Variants in ZCCHC24 observed in about 807,000 individuals in gnomAD.
The protein encoded by ZCCHC24 is zinc finger CCHC domain-containing protein 24.
Under a neutral mutation model 26.2 loss-of-function variants are expected in ZCCHC24, and 10 were observed. The observed-to-expected ratio is 0.38, with a 90% CI of 0.24 to 0.65. The LOEUF (loss-of-function observed/expected upper bound fraction) is 0.65, where lower values mean the gene tolerates loss of function less well. ZCCHC24 is among the 30% of genes least tolerant of loss of function. ZCCHC24 has a pLI of 0.54. For synonymous variants in ZCCHC24, 144 were observed against 147.1 expected (o/e 0.98, Z 0.15); for missense variants, 243 against 329.1 (o/e 0.74, Z 2.03).
chr10:79,393,727 C>G (rs958550793), intron 3 of ZCCHC24, among the ~76,000 whole-genome samples: 2 of 152,204 alleles, frequency 1.3e-5, no homozygotes, highest in African/African-American at 2.4e-5. Context: ...GCCTGAAGCA[C>G]CCCAAGTCCT....
At chr10:79,387,691 G>A (rs1856418698) in intron 3 of ZCCHC24, among the ~76,000 whole-genome samples, 1 of 152,206 alleles carries the variant, frequency 6.6e-6, no homozygotes. Context: ...AGCAGAGGGT[G>A]TGCTCTGTCC....
chr10:79,402,887 C>T lies in ZCCHC24; in HGVS notation c.448-8447G>A, dbSNP rs552694147. 2.6e-4 allele frequency among the ~76,000 whole-genome samples: 40 copies of T among 152,344 alleles called. No individual in the cohort carries two copies. The South Asian group carries it at 5.4e-3, about 21-fold the overall frequency. On this transcript the variant is annotated intron_variant, in intron 2 of 3. Transcript: ENST00000372336. ...GCCTGCTCCTAGGAACACAGCCGCACCTCTTACCTCCGACCCTGGCCACCA... is the reference window on the plus strand; with the variant it reads ...GCCTGCTCCTAGGAACACAGCCGCATCTCTTACCTCCGACCCTGGCCACCA...
chr10:79,386,085 G>T lies in ZCCHC24; in HGVS notation c.*260C>A. 1.7e-6 allele frequency: 1 copy of T among 572,860 alleles called. No homozygotes were observed. Among genetic ancestry groups the T allele is most frequent in the South Asian group, 2.3e-5 (1 of 42,884 alleles). 35.5% of individuals were successfully genotyped at this position (572,860 alleles called of 1,614,324 possible). A position where few individuals can be genotyped will look rare whatever the true frequency, so the allele number is the denominator to read the frequency against. On this transcript the variant is annotated 3_prime_UTR_variant, in exon 4 of 4. Transcript: ENST00000372336. ...TGGACATGGGCTTTTGCTTGCCTTT[G>T]TCCCCTCCACTGAGACCCCAGGCCC...
At chr10:79,442,952 C>T (rs79456937) in intron 1 of ZCCHC24, among the ~76,000 whole-genome samples, 7,258 of 152,236 alleles carry the variant, frequency 0.048, 215 homozygotes, top group Middle Eastern at 0.11. Flanking sequence ...CCCTCCATCA[C>T]CTCCGAGGAA....
At chr10:79,388,010 T>C (rs918585076) in intron 3 of ZCCHC24, among the ~76,000 whole-genome samples, 2 of 152,126 alleles carry the variant, frequency 1.3e-5, no homozygotes, top group Non-Finnish European at 2.9e-5. Context: ...CCTGTCCAGC[T>C]TTCATCCTGG....
chr10:79,441,498 A>G (rs867065297), intron 1 of ZCCHC24, among the ~76,000 whole-genome samples: 15 of 152,068 alleles, frequency 9.9e-5, no homozygotes, highest in African/African-American at 3.6e-4. Flanking sequence ...AGAGCTTCCT[A>G]AAGGTTGGAA....
chr10:79,420,206 C>G (rs1856918671), intron 2 of ZCCHC24, among the ~76,000 whole-genome samples: 2 of 152,162 alleles, frequency 1.3e-5, no homozygotes, highest in Admixed American at 1.3e-4. Context: ...CCTCCTCCCA[C>G]AGCACCCATC....
chr10:79,429,465 C>A (rs1039483492), intron 2 of ZCCHC24, among the ~76,000 whole-genome samples: 1 of 152,274 alleles, frequency 6.6e-6, no homozygotes, highest in African/African-American at 2.4e-5. Context: ...CCTGGATTCC[C>A]AGCTACTCGG....
chr10:79,424,238 T>C (rs1856996525), intron 2 of ZCCHC24, among the ~76,000 whole-genome samples: 2 of 152,182 alleles, frequency 1.3e-5, no homozygotes, highest in African/African-American at 4.8e-5. Flanking sequence ...CAACACAAGC[T>C]CCTAGACAGA....
chr10:79,416,896 G>A (rs1369653560), intron 2 of ZCCHC24, among the ~76,000 whole-genome samples: 2 of 152,172 alleles, frequency 1.3e-5, no homozygotes, highest in African/African-American at 4.8e-5. Context: ...CCGGAACACA[G>A]TGAGCGCTCC....
chr10:79,439,483 C>T (rs1453003871), intron 1 of ZCCHC24, among the ~76,000 whole-genome samples: 1 of 152,182 alleles, frequency 6.6e-6, no homozygotes, highest in Non-Finnish European at 1.5e-5. Flanking sequence ...ATTAACTAAG[C>T]AGCTAGCATG....
At chr10:79,393,356 A>G (rs1022832849) in intron 3 of ZCCHC24, among the ~76,000 whole-genome samples, 1 of 152,214 alleles carries the variant, frequency 6.6e-6, no homozygotes, top group Non-Finnish European at 1.5e-5. Context: ...TGCCCAGTTC[A>G]GGAACGACCT....
chr10:79,413,011 C>A (rs992264920), intron 2 of ZCCHC24, among the ~76,000 whole-genome samples: 1 of 152,210 alleles, frequency 6.6e-6, no homozygotes, highest in African/African-American at 2.4e-5. Context: ...TACCAGCCAA[C>A]CTTCTGAAAG....
At chr10:79,390,472 C>G (rs1022921558) in intron 3 of ZCCHC24, among the ~76,000 whole-genome samples, 1 of 152,038 alleles carries the variant, frequency 6.6e-6, no homozygotes, top group Non-Finnish European at 1.5e-5. Context: ...AGCGAAGTCC[C>G]GGGTGAAATG....
chr10:79,404,118 C>T (rs953513773), intron 2 of ZCCHC24, among the ~76,000 whole-genome samples: 3 of 152,062 alleles, frequency 2.0e-5, no homozygotes, highest in Admixed American at 6.5e-5. Context: ...CAGAGACATT[C>T]GGGGGAACGG....
chr10:79,423,411 C>T (rs1271523706), intron 2 of ZCCHC24, among the ~76,000 whole-genome samples: 1 of 150,604 alleles, frequency 6.6e-6, no homozygotes, highest in African/African-American at 2.4e-5. Flanking sequence ...ATTAGCCAGG[C>T]GTAGTGGCGG....
chr10:79,421,661 T>C (rs1402292666), intron 2 of ZCCHC24, among the ~76,000 whole-genome samples: 1 of 152,110 alleles, frequency 6.6e-6, no homozygotes, highest in Admixed American at 6.6e-5. Flanking sequence ...AGTTTCGCTC[T>C]TGTTGCCCAG....
rs1201774415 is a variant in ZCCHC24, at chr10:79,383,630, TC to T, written c.*2714del. 7.9e-6 allele frequency: 1 copy of T among 127,102 alleles called. No homozygotes were observed. The highest frequency in any genetic ancestry group is 8.9e-5 in the Admixed American group (1 of 11,276). 7.9% of individuals were successfully genotyped at this position (127,102 alleles called of 1,614,324 possible). On this transcript the variant is annotated 3_prime_UTR_variant, in exon 4 of 4. Transcript: ENST00000372336. Reference sequence around the variant, plus strand: ...AAATCAAACAATTATATTTTTCTTTTCTTTTTTTTTTTTTAAAAAAAGGCCC... The same window carrying T: ...AAATCAAACAATTATATTTTTCTTTTTTTTTTTTTTTTTAAAAAAAGGCCC...
chr10:79,441,811 G>T (rs751057072), intron 1 of ZCCHC24, among the ~76,000 whole-genome samples: 9 of 152,168 alleles, frequency 5.9e-5, no homozygotes, highest in Non-Finnish European at 1.0e-4. Flanking sequence ...GAGAAAGAGG[G>T]AAAGAGAACA....
Sources: allele counts gnomAD v4.1 joint callset (sites outside exome capture counted in the v4.1 genomes callset), GRCh38; gene constraint gnomAD v4.1.1; transcripts MANE v1.5; gene names NCBI Gene and HGNC (gene_info 2026-07-23, HGNC 2026-07-21).